EML6: variants seen among roughly 807,000 people sequenced by gnomAD.
EML6 encodes echinoderm microtubule-associated protein-like 6.
EML6 carries 154 observed loss-of-function variants against 240.1 expected under a neutral mutation model. That is an observed-to-expected ratio of 0.64 (90% CI 0.56 to 0.73). The LOEUF is 0.73. Ranked by LOEUF, EML6 falls within the 30% of genes least tolerant of loss-of-function variation. The pLI is 0.00. For missense variants in EML6, 2,964 were observed against 2,474.6 expected, an observed-to-expected ratio of 1.20 and a Z score of -4.20; for synonymous variants, 1,148 against 899.0, an observed-to-expected ratio of 1.28 and a Z score of -4.95.
intron 41 of EML6, among the ~76,000 whole-genome samples, chr2:54,969,737 G>C (rs1676908294): frequency 6.6e-6 from 1 of 152,202 alleles, no homozygotes; most frequent in Non-Finnish European, 1.5e-5. Flanking sequence ...CACTCAAAAG[G>C]GCTCTCTGAC....
intron 2 of EML6, among the ~76,000 whole-genome samples, chr2:54,746,615 C>A (rs1301253316): frequency 6.6e-6 from 1 of 152,162 alleles, no homozygotes; most frequent in Admixed American, 6.5e-5. Context: ...GCAAATTTTA[C>A]AGAATTCAGG....
At chr2:54,957,642 G>C in intron 32 of EML6, 148 bp from the exon 33 acceptor site, 1 of 699,406 alleles carries the variant, frequency 1.4e-6, no homozygotes, top group South Asian at 1.8e-5. Flanking sequence ...TGCCACCTGG[G>C]GAATAGTGTC....
chr2:54,802,230 A>ATAC (rs111852194), intron 2 of EML6, among the ~76,000 whole-genome samples: 9 of 152,224 alleles, frequency 5.9e-5, no homozygotes, highest in African/African-American at 2.2e-4. Context: ...AATGCCCCCG[A>ATAC]TACAAGCAAG....
Position 54,922,073 on chromosome 2 carries a change from A to G in EML6, c.3675+5138A>G, listed in dbSNP as rs568751651. ...CAAAAACAAAAGCAAGTGAGACAAC[A>G]TCAAACTAAAAAGCTTTGCATGGCA... On this transcript the variant is annotated intron_variant, in intron 26 of 41. Transcript: ENST00000356458. Among the ~76,000 whole-genome samples the G allele has an allele frequency of 1.4e-4, 21 of 152,350 alleles. No individual in the cohort carries two copies. The South Asian group carries it at 3.9e-3, about 29-fold the overall frequency.
chr2:54,853,069 AC>A (rs1419899071), intron 10 of EML6, among the ~76,000 whole-genome samples: 2 of 152,192 alleles, frequency 1.3e-5, no homozygotes, highest in Non-Finnish European at 2.9e-5. Flanking sequence ...AATAATATTC[AC>A]TAATTTTTTT....
At chr2:54,816,544 T>C (rs1230688605) in intron 3 of EML6, among the ~76,000 whole-genome samples, 1 of 152,222 alleles carries the variant, frequency 6.6e-6, no homozygotes, top group African/African-American at 2.4e-5. Context: ...TTTATATGTA[T>C]GTTTCTTACA....
At chr2:54,963,778 C>T (rs990787439) in intron 36 of EML6, among the ~76,000 whole-genome samples, 1 of 152,218 alleles carries the variant, frequency 6.6e-6, no homozygotes, top group African/African-American at 2.4e-5. Flanking sequence ...CAGCCTGTGC[C>T]CTAAAACTTG....
chr2:54,771,443 A>T (rs1668398072), intron 2 of EML6, among the ~76,000 whole-genome samples: 1 of 152,264 alleles, frequency 6.6e-6, no homozygotes, highest in Non-Finnish European at 1.5e-5. Flanking sequence ...TCTTTAAATT[A>T]TGCAGCTTTT....
rs556823402 is a variant in EML6 at position 54,861,325 on chromosome 2, G to A, written c.1825+1624G>A. Among the ~76,000 whole-genome samples the A allele has an allele frequency of 2.6e-5, 4 of 152,232 alleles. No homozygotes were observed. The South Asian group carries it at 6.2e-4, about 24-fold the overall frequency. ...TAGCTCTGGAAATTGATGGGGCTTCGCATTCCTGAGTGGACTTAAACCACA... is the reference window on the plus strand; with the variant it reads ...TAGCTCTGGAAATTGATGGGGCTTCACATTCCTGAGTGGACTTAAACCACA... On this transcript the variant is annotated intron_variant, in intron 12 of 41. Coordinates refer to ENST00000356458, the MANE Select transcript of EML6 (RefSeq NM_001039753.4).
At chr2:54,891,755 G>A (rs1377165920) in intron 18 of EML6, among the ~76,000 whole-genome samples, 1 of 152,170 alleles carries the variant, frequency 6.6e-6, no homozygotes, top group Admixed American at 6.6e-5. Flanking sequence ...ATAAGGTTCT[G>A]TTCCAGTGCA....
At chr2:54,885,714 C>T (rs1265076842) in intron 17 of EML6, among the ~76,000 whole-genome samples, 3 of 151,936 alleles carry the variant, frequency 2.0e-5, no homozygotes, top group Non-Finnish European at 4.4e-5. Context: ...CAGGTTCACG[C>T]CATTCTCTTG....
intron 22 of EML6, among the ~76,000 whole-genome samples, chr2:54,902,757 T>C (rs890200145): frequency 3.3e-5 from 5 of 152,170 alleles, no homozygotes; most frequent in African/African-American, 4.8e-5. Flanking sequence ...ACTTTTCAAC[T>C]AATTTTTAAC....
rs1410247683 is a variant in EML6 at position 54,871,666 on chromosome 2, G to A, written c.2344+61G>A. 5.6e-6 allele frequency: 7 copies of A among 1,244,666 alleles called. No individual in the cohort carries two copies. In the South Asian group the frequency reaches 7.7e-5, roughly 14 times the overall value. 77.1% of individuals were successfully genotyped at this position (1,244,666 alleles called of 1,614,324 possible). On this transcript the variant is annotated intron_variant, in intron 16 of 41. Coordinates refer to ENST00000356458, the MANE Select transcript of EML6 (RefSeq NM_001039753.4). ...TGAGAGAGAGAGAGACACAGAGAGA[G>A]TATGCCCCGCGCATGCGCGCACGCG... is the stretch of plus-strand genomic sequence containing the variant.
intron 12 of EML6, among the ~76,000 whole-genome samples, chr2:54,862,775 C>T (rs1160080983): frequency 2.6e-5 from 4 of 152,202 alleles, no homozygotes; most frequent in Non-Finnish European, 5.9e-5. Context: ...AAAAGAGAAT[C>T]ATCACACATA....
At chr2:54,837,295 AT>A (rs200578189) in intron 7 of EML6, among the ~76,000 whole-genome samples, 24 of 152,008 alleles carry the variant, frequency 1.6e-4, no homozygotes, top group Admixed American at 7.2e-4. Context: ...CTGAATCCTC[AT>A]TTTTTTTCCC....
intron 16 of EML6, among the ~76,000 whole-genome samples, chr2:54,879,205 C>T (rs568097880): frequency 6.6e-6 from 1 of 152,296 alleles, no homozygotes; most frequent in South Asian, 2.1e-4. Flanking sequence ...CTGAGAGTCT[C>T]CCTCTAGCTC....
chr2:54,819,611 A>T (rs111901798), intron 4 of EML6, among the ~76,000 whole-genome samples: 1 of 152,030 alleles, frequency 6.6e-6, no homozygotes, highest in East Asian at 1.9e-4. Context: ...CCCCGTCTCT[A>T]CTAAAAATAG....
chr2:54,853,307 T>G (rs1293717685), intron 10 of EML6, among the ~76,000 whole-genome samples: 2 of 152,162 alleles, frequency 1.3e-5, no homozygotes, highest in African/African-American at 2.4e-5. Flanking sequence ...GACATTACAT[T>G]TAGTATGATA....
chr2:54,958,411 T>C (rs919546375), intron 33 of EML6, among the ~76,000 whole-genome samples: 1 of 152,008 alleles, frequency 6.6e-6, no homozygotes, highest in Non-Finnish European at 1.5e-5. Context: ...AGGCTGGTCT[T>C]GAACTCCTGA....
Sources: allele counts gnomAD v4.1 joint callset (sites outside exome capture counted in the v4.1 genomes callset), GRCh38; gene constraint gnomAD v4.1.1; transcripts MANE v1.5; gene names NCBI Gene and HGNC (gene_info 2026-07-23, HGNC 2026-07-21).